The following CCDC102B variants were observed in gnomAD, a reference collection of about 807,000 sequenced individuals.
The protein encoded by CCDC102B is coiled-coil domain containing 102B, also known as coiled-coil domain-containing protein 102B.
In CCDC102B, 75 loss-of-function variants were observed where a neutral mutation model predicts 57.4. The observed-to-expected ratio is 1.31, with a 90% CI of 1.08 to 1.58. The LOEUF is 1.58. Ranked by LOEUF, CCDC102B falls within the 40% of genes most tolerant of loss-of-function variation. CCDC102B has a pLI of 0.00. For missense variants in CCDC102B, 636 were observed against 582.6 expected, an observed-to-expected ratio of 1.09 and a Z score of -0.94; for synonymous variants, 206 against 201.9, an observed-to-expected ratio of 1.02 and a Z score of -0.17.
At chr18:68,935,330 G>A (rs755159493) in intron 6 of CCDC102B, among the ~76,000 whole-genome samples, 2 of 151,950 alleles carry the variant, frequency 1.3e-5, no homozygotes, top group African/African-American at 4.8e-5. Flanking sequence ...GAGAGAGAAC[G>A]TGAGGAGTCA....
intron 6 of CCDC102B, among the ~76,000 whole-genome samples, chr18:68,914,955 G>A (rs958988516): frequency 6.8e-6 from 1 of 146,146 alleles, no homozygotes; most frequent in Non-Finnish European, 1.5e-5. Context: ...CTGTATTTTT[G>A]ATTTAGGCAC....
chr18:68,782,970 A>G (rs1435844123), intron 2 of CCDC102B, among the ~76,000 whole-genome samples: 1 of 152,184 alleles, frequency 6.6e-6, no homozygotes, highest in Non-Finnish European at 1.5e-5. Context: ...TATTGTTATT[A>G]TACCTGCCAT....
Position 68,861,308 on chromosome 18 carries a change from C to G in CCDC102B, c.937-13361C>G, listed in dbSNP as rs1474229817. On this transcript the variant is annotated intron_variant, in intron 4 of 7. Transcript: ENST00000360242. ...GGAGCAGTTTAAATGTTTTTTTTTT[C>G]TCTGCACTATGTATCATATTTTTCT... Among the ~76,000 whole-genome samples the G allele has an allele frequency of 2.3e-5, 3 of 129,620 alleles. No homozygotes were observed. The Admixed American group carries it at 2.3e-4, about 10-fold the overall frequency. 85.0% of individuals were successfully genotyped at this position (129,620 alleles called of 152,430 possible). A position where few individuals can be genotyped will look rare whatever the true frequency, so the allele number is the denominator to read the frequency against.
At position 68,889,030 on chromosome 18, in the gene CCDC102B, G is replaced by GTT. The variant is rs5825880; in HGVS notation, c.1054-8180_1054-8179dup. Reference sequence around the variant, plus strand: ...CTGTCCCTCCCAGTAGTTTTTCTTTGTTTTTTTTTTCTTTGTCTCTTTTTC... The same window carrying GTT: ...CTGTCCCTCCCAGTAGTTTTTCTTTGTTTTTTTTTTTTCTTTGTCTCTTTTTC... On this transcript the variant is annotated intron_variant, in intron 5 of 7. Coordinates refer to ENST00000360242, the MANE Select transcript of CCDC102B (RefSeq NM_024781.3). 1.6e-3 allele frequency among the ~76,000 whole-genome samples: 237 copies of GTT among 148,410 alleles called. 2 individuals carry two copies. Among genetic ancestry groups the GTT allele is most frequent in the Middle Eastern group, 0.011 (3 of 284 alleles).
rs1383709649 is a variant in CCDC102B at position 68,846,253 on chromosome 18, C to G, written c.828-60C>G. ...AAAATGCCTATAAAATTGAATGCAT[C>G]CTTGAAAGTATTTTAAAATTGAAGC... On this transcript the variant is annotated intron_variant, in intron 3 of 7. Transcript: ENST00000360242. The G allele has an allele frequency of 6.2e-5, 67 of 1,072,506 alleles. No individual in the cohort carries two copies. The East Asian group carries it at 2.0e-3, about 32-fold the overall frequency. 66.4% of individuals were successfully genotyped at this position (1,072,506 alleles called of 1,614,324 possible). A position where few individuals can be genotyped will look rare whatever the true frequency, so the allele number is the denominator to read the frequency against.
At chr18:68,849,716 C>T (rs113565215) in intron 4 of CCDC102B, among the ~76,000 whole-genome samples, 40 of 152,262 alleles carry the variant, frequency 2.6e-4, no homozygotes, top group African/African-American at 9.4e-4. Flanking sequence ...CCTAAACCAT[C>T]ACAGGCTGAT....
chr18:68,858,050 T>C (rs973132902), intron 4 of CCDC102B, among the ~76,000 whole-genome samples: 2 of 152,202 alleles, frequency 1.3e-5, no homozygotes, highest in Non-Finnish European at 2.9e-5. Context: ...CTCAGAAAGA[T>C]GTCTCAATTT....
rs563195036 is a variant in CCDC102B, at chr18:68,728,958, G to T, written c.-67+12364G>T. Among the ~76,000 whole-genome samples the T allele has an allele frequency of 2.0e-5, 3 of 152,038 alleles. No homozygotes were observed. The South Asian group carries it at 6.2e-4, about 32-fold the overall frequency. ...TTGATTTTTTTTTAAAAAAGTTCAT[G>T]TATTCTGCGGGAGTAAATTTAAAAA... On this transcript the variant is annotated intron_variant, in intron 2 of 3. Coordinates refer to the CCDC102B transcript ENST00000578970.
chr18:68,803,747 T>C (rs113682209), intron 1 of CCDC102B, among the ~76,000 whole-genome samples: 4,675 of 152,164 alleles, frequency 0.031, 225 homozygotes, highest in African/African-American at 0.11. Flanking sequence ...AAATCACAAT[T>C]ACATGGTCAC....
rs924259188 is a variant in CCDC102B at position 68,973,151 on chromosome 18, A to G, written c.1264-37783A>G. Reference sequence around the variant, plus strand: ...CTTAAATAGTCTGACTGAATACATAATAGAATATCTTGGTACTTTAAATAT... The same window carrying G: ...CTTAAATAGTCTGACTGAATACATAGTAGAATATCTTGGTACTTTAAATAT... On this transcript the variant is annotated intron_variant, in intron 6 of 7. Coordinates refer to ENST00000360242, the MANE Select transcript of CCDC102B (RefSeq NM_024781.3). Among the ~76,000 whole-genome samples the G allele has an allele frequency of 2.8e-4, 42 of 152,144 alleles. 2 individuals are homozygous for G. Among genetic ancestry groups the G allele is most frequent in the Admixed American group, 6.6e-5 (1 of 15,256 alleles).
intron 2 of CCDC102B, among the ~76,000 whole-genome samples, chr18:68,780,785 C>T (rs2034980948): frequency 6.6e-6 from 1 of 152,056 alleles, no homozygotes; most frequent in Non-Finnish European, 1.5e-5. Flanking sequence ...ATTTTGCATT[C>T]ACCTGGAAGG....
intron 7 of CCDC102B, among the ~76,000 whole-genome samples, chr18:69,052,480 T>C (rs550999255): frequency 2.9e-4 from 44 of 152,070 alleles, no homozygotes; most frequent in African/African-American, 1.1e-3. Context: ...CACATCTATA[T>C]CTATCTATCG....
intron 6 of CCDC102B, among the ~76,000 whole-genome samples, chr18:68,948,237 T>G (rs2049594370): frequency 6.6e-6 from 1 of 152,126 alleles, no homozygotes; most frequent in Admixed American, 6.6e-5. Flanking sequence ...GAATTACAGT[T>G]AAAGCATATT....
chr18:68,872,101 G>T (rs11151471), intron 4 of CCDC102B, among the ~76,000 whole-genome samples: 52,863 of 151,952 alleles, frequency 0.35, 10,019 homozygotes, highest in East Asian at 0.62. Context: ...GGGAAGGATG[G>T]TATTGCCATT....
intron 6 of CCDC102B, among the ~76,000 whole-genome samples, chr18:68,959,453 G>A (rs926673247): frequency 2.0e-5 from 3 of 152,128 alleles, no homozygotes; most frequent in Non-Finnish European, 4.4e-5. Flanking sequence ...GGTCAGACCT[G>A]AAGCCAGCAC....
At chr18:68,760,130 C>T (rs1418550834) in intron 2 of CCDC102B, among the ~76,000 whole-genome samples, 2 of 152,092 alleles carry the variant, frequency 1.3e-5, no homozygotes, top group Non-Finnish European at 2.9e-5. Flanking sequence ...ATCTCTATCT[C>T]AATTTGCTTC....
At chr18:68,992,631 T>A (rs1318619338) in intron 6 of CCDC102B, 1 of 151,630 alleles carries the variant, frequency 6.6e-6, no homozygotes, top group Non-Finnish European at 1.5e-5. Flanking sequence ...AAACACCAAC[T>A]TTATTATTTG....
intron 2 of CCDC102B, among the ~76,000 whole-genome samples, chr18:68,733,030 G>T (rs1313000607): frequency 6.6e-6 from 1 of 152,074 alleles, no homozygotes; most frequent in Non-Finnish European, 1.5e-5. Flanking sequence ...GTTATGCTAA[G>T]GCTAGAGCGA....
chr18:68,728,108 A>G (rs1362725977), intron 2 of CCDC102B, among the ~76,000 whole-genome samples: 7 of 152,188 alleles, frequency 4.6e-5, no homozygotes, highest in African/African-American at 1.7e-4. Context: ...CTATGAAATG[A>G]GTGGACATTC....
Sources: gnomAD v4.1 joint callset for allele counts (sites outside exome capture counted in the v4.1 genomes callset) on GRCh38, gnomAD v4.1.1 for gene constraint, MANE v1.5 for transcripts, NCBI Gene and HGNC (gene_info 2026-07-23, HGNC 2026-07-21) for gene names.